MGMT: variants seen among roughly 807,000 people sequenced by gnomAD.
The protein encoded by MGMT is O-6-methylguanine-DNA methyltransferase, also known as methylated-DNA--protein-cysteine methyltransferase.
In MGMT, 14 loss-of-function variants were observed where a neutral mutation model predicts 15.9. The ratio of observed to expected loss-of-function variants is 0.88; its 90% CI spans 0.58 to 1.37. The LOEUF (loss-of-function observed/expected upper bound fraction) is 1.37. Ranked by LOEUF, MGMT falls within the 40% of genes most tolerant of loss-of-function variation. The probability of loss-of-function intolerance (pLI) is 0.00; values close to 1 mark genes in which losing one functional copy is unlikely to be tolerated. For synonymous variants in MGMT, 130 were observed against 118.2 expected, an observed-to-expected ratio of 1.10 and a Z score of -0.65; for missense variants, 282 against 268.1, an observed-to-expected ratio of 1.05 and a Z score of -0.36.
intron 2 of MGMT, among the ~76,000 whole-genome samples, chr10:129,646,950 C>G (rs1015451420): frequency 6.6e-6 from 1 of 151,448 alleles, no homozygotes; most frequent in Non-Finnish European, 1.5e-5. Context: ...TGGCCCGTCT[C>G]GCATCTGAAC....
At chr10:129,687,816 T>C (rs1316800509) in intron 2 of MGMT, among the ~76,000 whole-genome samples, 2 of 152,012 alleles carry the variant, frequency 1.3e-5, no homozygotes, top group African/African-American at 2.4e-5. Context: ...TCACTTACAT[T>C]AGGTATATCT....
At chr10:129,655,046 G>A (rs1260526173) in intron 2 of MGMT, among the ~76,000 whole-genome samples, 1 of 152,176 alleles carries the variant, frequency 6.6e-6, no homozygotes, top group African/African-American at 2.4e-5. Flanking sequence ...GAGGGTGACC[G>A]CTGCACCCTC....
chr10:129,549,137 C>T (rs144284223), intron 2 of MGMT, among the ~76,000 whole-genome samples: 1 of 152,254 alleles, frequency 6.6e-6, no homozygotes, highest in African/African-American at 2.4e-5. Flanking sequence ...TTGGAGACAC[C>T]GTGTTGGAAT....
At chr10:129,502,914 C>T (rs1237395433) in intron 1 of MGMT, among the ~76,000 whole-genome samples, 1 of 152,108 alleles carries the variant, frequency 6.6e-6, no homozygotes, top group Admixed American at 6.6e-5. Context: ...TGCATGTAGT[C>T]CAGAGAAGCA....
chr10:129,728,053 T>C (rs1848452985), intron 3 of MGMT, among the ~76,000 whole-genome samples: 1 of 152,102 alleles, frequency 6.6e-6, no homozygotes, highest in Non-Finnish European at 1.5e-5. Context: ...AGTGAGGAGC[T>C]ACTCAAGGCA....
intron 1 of MGMT, among the ~76,000 whole-genome samples, chr10:129,507,200 G>T (rs768331458): frequency 3.3e-5 from 5 of 152,352 alleles, no homozygotes; most frequent in East Asian, 1.9e-4. Context: ...GGCAGGTGAC[G>T]TTGGAGCCAG....
intron 1 of MGMT, among the ~76,000 whole-genome samples, chr10:129,514,965 C>T (rs959428085): frequency 2.6e-5 from 4 of 152,184 alleles, no homozygotes; most frequent in African/African-American, 4.8e-5. Flanking sequence ...AAGCTGGGCC[C>T]ATGCAGATTT....
In MGMT at chr10:129,618,509, G is replaced by C. The variant is rs931279239; in HGVS notation, c.125+82132G>C. 1.6e-4 allele frequency among the ~76,000 whole-genome samples: 25 copies of C among 151,688 alleles called. 1 individual carries two copies. Among genetic ancestry groups the C allele is most frequent in the Admixed American group, 1.1e-3 (17 of 15,254 alleles). On this transcript the variant is annotated intron_variant, in intron 2 of 4. Coordinates refer to ENST00000651593, the MANE Select transcript of MGMT (RefSeq NM_002412.5). Reference sequence around the variant, plus strand: ...TCTTAGTCCTTTGCATTTCCATGTAGAATAAGTGGATTAATTAGTATAGAA... The same window carrying C: ...TCTTAGTCCTTTGCATTTCCATGTACAATAAGTGGATTAATTAGTATAGAA...
chr10:129,684,351 T>C (rs1478711770), intron 2 of MGMT, among the ~76,000 whole-genome samples: 1 of 152,152 alleles, frequency 6.6e-6, no homozygotes, highest in African/African-American at 2.4e-5. Context: ...TCCACATTAA[T>C]TGGGGATAGA....
intron 1 of MGMT, among the ~76,000 whole-genome samples, chr10:129,510,471 A>C (rs1458087938): frequency 1.3e-5 from 2 of 152,098 alleles, no homozygotes; most frequent in Non-Finnish European, 2.9e-5. Flanking sequence ...TGGGGAAAAC[A>C]CTGGAATTGA....
intron 2 of MGMT, among the ~76,000 whole-genome samples, chr10:129,688,314 T>A (rs1055249654): frequency 3.9e-5 from 6 of 152,210 alleles, no homozygotes; most frequent in Non-Finnish European, 7.3e-5. Flanking sequence ...CCAACAGTAT[T>A]AAAGTGTTCC....
At chr10:129,503,601 G>T (rs1275063225) in intron 1 of MGMT, among the ~76,000 whole-genome samples, 3 of 152,194 alleles carry the variant, frequency 2.0e-5, no homozygotes. Flanking sequence ...TCTGTTGAGG[G>T]TGATTGTGCT....
At chr10:129,587,312 T>G (rs541713725) in intron 2 of MGMT, among the ~76,000 whole-genome samples, 2 of 151,368 alleles carry the variant, frequency 1.3e-5, no homozygotes, top group Non-Finnish European at 3.0e-5. Flanking sequence ...TCTCTAATAT[T>G]GTGATTTTTT....
intron 2 of MGMT, among the ~76,000 whole-genome samples, chr10:129,653,716 G>A (rs915637306): frequency 2.0e-5 from 3 of 152,244 alleles, no homozygotes; most frequent in Non-Finnish European, 2.9e-5. Context: ...GCAGGGAGCC[G>A]AATGGACAGG....
chr10:129,611,975 A>T (rs1846966394), intron 2 of MGMT, among the ~76,000 whole-genome samples: 1 of 152,152 alleles, frequency 6.6e-6, no homozygotes, highest in African/African-American at 2.4e-5. Context: ...CCCTCAGGAG[A>T]TCCTGAGAAC....
chr10:129,600,953 G>T (rs1846814707), intron 2 of MGMT, among the ~76,000 whole-genome samples: 1 of 152,006 alleles, frequency 6.6e-6, no homozygotes, highest in Admixed American at 6.6e-5. Flanking sequence ...TAGTATTAAT[G>T]ACAAATTAAT....
At chr10:129,727,205 T>C (rs1221063268) in intron 3 of MGMT, among the ~76,000 whole-genome samples, 1 of 152,144 alleles carries the variant, frequency 6.6e-6, no homozygotes, top group Non-Finnish European at 1.5e-5. Flanking sequence ...CAGCAGGATA[T>C]GGAGGAAGTG....
At chr10:129,552,445 G>A (rs982041310) in intron 2 of MGMT, among the ~76,000 whole-genome samples, 5 of 152,248 alleles carry the variant, frequency 3.3e-5, no homozygotes, top group South Asian at 2.1e-4. Flanking sequence ...TGCCACAGAC[G>A]TGGGTTTGTG....
chr10:129,667,827 A>C (rs1378985205), intron 2 of MGMT, among the ~76,000 whole-genome samples: 2 of 152,058 alleles, frequency 1.3e-5, no homozygotes, highest in African/African-American at 2.4e-5. Context: ...TGTGGTTTTA[A>C]TTTTCATTTC....
Sources: gnomAD v4.1 joint callset for allele counts (sites outside exome capture counted in the v4.1 genomes callset) on GRCh38, gnomAD v4.1.1 for gene constraint, MANE v1.5 for transcripts, NCBI Gene and HGNC (gene_info 2026-07-23, HGNC 2026-07-21) for gene names.